CDH12: variants seen among roughly 807,000 people sequenced by gnomAD.
The protein encoded by CDH12 is cadherin 12.
A neutral mutation model predicts 74.1 loss-of-function variants in CDH12; 41 were observed. That is an observed-to-expected ratio of 0.55 (90% CI 0.43 to 0.72). CDH12 has a LOEUF of 0.72. Among genes scored for constraint, CDH12 ranks in the 30% least tolerant of loss-of-function variants. The pLI is 0.00. For synonymous variants in CDH12, 399 were observed against 355.0 expected (o/e 1.12, Z -1.39); for missense variants, 945 against 977.2 (o/e 0.97, Z 0.44).
chr5:22,828,431 C>A (rs1045674870), intron 1 of CDH12, among the ~76,000 whole-genome samples: 2 of 151,978 alleles, frequency 1.3e-5, no homozygotes, highest in African/African-American at 4.8e-5. Context: ...TGCCATTGAC[C>A]ATATTCTATT....
At position 21,889,072 on chromosome 5, in the gene CDH12, T is replaced by C. The variant is rs941796114; in HGVS notation, c.527-34282A>G. On this transcript the variant is annotated intron_variant, in intron 6 of 14. Transcript: ENST00000382254. ...TATATTTCTGATAGGAAAAATAATA[T>C]ATTTTAGGTGCTATTCATATTTTTA... Among the ~76,000 whole-genome samples, 6 of 152,162 alleles carry C rather than the reference T, an allele frequency of 3.9e-5. No homozygotes were observed. In the East Asian group the frequency reaches 7.7e-4, roughly 20 times the overall value.
intron 11 of CDH12, among the ~76,000 whole-genome samples, chr5:21,775,129 C>A (rs1745517713): frequency 6.6e-6 from 1 of 152,158 alleles, no homozygotes; most frequent in Non-Finnish European, 1.5e-5. Flanking sequence ...AAGGCCAAAC[C>A]AAGGATGCCT....
At chr5:22,828,530 A>C (rs1008455460) in intron 1 of CDH12, among the ~76,000 whole-genome samples, 1 of 152,210 alleles carries the variant, frequency 6.6e-6, no homozygotes, top group Non-Finnish European at 1.5e-5. Flanking sequence ...AACCTGAAAT[A>C]AATTGAAAAG....
intron 3 of CDH12, among the ~76,000 whole-genome samples, chr5:22,242,891 C>A (rs977785919): frequency 6.6e-6 from 1 of 152,068 alleles, no homozygotes; most frequent in Non-Finnish European, 1.5e-5. Context: ...CTTCTTTTCT[C>A]TCCAGTTTTG....
At chr5:22,585,517 C>CG (rs1740351122) in intron 1 of CDH12, among the ~76,000 whole-genome samples, 1 of 152,076 alleles carries the variant, frequency 6.6e-6, no homozygotes, top group Non-Finnish European at 1.5e-5. Context: ...TTATCTTCTT[C>CG]GGGAAAATCC....
intron 1 of CDH12, among the ~76,000 whole-genome samples, chr5:22,595,049 G>T (rs910030245): frequency 9.2e-5 from 14 of 152,032 alleles, no homozygotes; most frequent in African/African-American, 3.4e-4. Flanking sequence ...TTTAACTGAT[G>T]CTCAAACTCT....
intron 1 of CDH12, among the ~76,000 whole-genome samples, chr5:22,579,580 ATGATTGGAAGTTTAAAC>A (rs999328725): frequency 1.3e-4 from 20 of 152,182 alleles, no homozygotes; most frequent in African/African-American, 4.8e-4. Flanking sequence ...CTTGGATGAC[ATGATTGGAAGTTTAAAC>A]TGAACATACC....
At chr5:22,403,994 G>A (rs1742836711) in intron 3 of CDH12, among the ~76,000 whole-genome samples, 1 of 151,932 alleles carries the variant, frequency 6.6e-6, no homozygotes, top group African/African-American at 2.4e-5. Flanking sequence ...ATACCTTCTT[G>A]ATGTGTTAAG....
At chr5:21,913,359 C>T (rs1753947537) in intron 6 of CDH12, among the ~76,000 whole-genome samples, 1 of 152,004 alleles carries the variant, frequency 6.6e-6, no homozygotes, top group African/African-American at 2.4e-5. Flanking sequence ...AATACTTTTA[C>T]ATTTACATTT....
intron 1 of CDH12, among the ~76,000 whole-genome samples, chr5:22,609,507 A>G (rs1349180337): frequency 6.6e-6 from 1 of 152,196 alleles, no homozygotes; most frequent in Non-Finnish European, 1.5e-5. Context: ...CTCAGTGCTC[A>G]GAATATAAAT....
intron 1 of CDH12, among the ~76,000 whole-genome samples, chr5:22,732,529 A>G (rs2127005589): frequency 6.6e-6 from 1 of 151,668 alleles, no homozygotes; most frequent in Non-Finnish European, 1.5e-5. Context: ...CTACTATCCC[A>G]GAGTATGCCA....
chr5:22,559,957 G>A (rs1004145833), intron 1 of CDH12, among the ~76,000 whole-genome samples: 10 of 152,106 alleles, frequency 6.6e-5, no homozygotes, highest in African/African-American at 2.4e-4. Context: ...ATGCCCTTTA[G>A]TCCTTTACCT....
intron 9 of CDH12, among the ~76,000 whole-genome samples, chr5:21,812,044 G>A (rs531037462): frequency 2.0e-5 from 3 of 151,982 alleles, no homozygotes; most frequent in Admixed American, 1.3e-4. Flanking sequence ...ATAGACAGAG[G>A]AGAAAATAGT....
chr5:22,086,846 A>T (rs1743100103), intron 4 of CDH12, among the ~76,000 whole-genome samples: 1 of 152,158 alleles, frequency 6.6e-6, no homozygotes, highest in South Asian at 2.1e-4. Flanking sequence ...AATCGATCAC[A>T]TCTTTATTTT....
chr5:21,961,504 C>A (rs1409695803), intron 6 of CDH12, among the ~76,000 whole-genome samples: 2 of 152,048 alleles, frequency 1.3e-5, no homozygotes, highest in Non-Finnish European at 2.9e-5. Flanking sequence ...CCAAAAAAAA[C>A]ATATGTTGAA....
chr5:22,642,901 T>C (rs576841316), intron 1 of CDH12, among the ~76,000 whole-genome samples: 19 of 152,274 alleles, frequency 1.2e-4, no homozygotes, highest in African/African-American at 4.6e-4. Flanking sequence ...TATTCTGGTT[T>C]TTGTCTCTAG....
chr5:21,822,052 G>C (rs1376966421), intron 8 of CDH12, among the ~76,000 whole-genome samples: 1 of 151,672 alleles, frequency 6.6e-6, no homozygotes, highest in Non-Finnish European at 1.5e-5. Flanking sequence ...TGTGACCCTG[G>C]GCAAAATATT....
At chr5:22,713,162 G>C (rs1418154741) in intron 1 of CDH12, among the ~76,000 whole-genome samples, 2 of 109,424 alleles carry the variant, frequency 1.8e-5, no homozygotes, top group Non-Finnish European at 3.5e-5. Context: ...TTTTTTTTGA[G>C]GTGGAGTCTT....
At position 22,110,826 on chromosome 5, in the gene CDH12, G is replaced by A. The variant is rs4419562; in HGVS notation, c.-186-31964C>T. ...GGTGGTCTCTCATTAATGTTACAAAGGCGGTTCAGTTTTGGGGAAAGGCTA... is the reference window on the plus strand; with the variant it reads ...GGTGGTCTCTCATTAATGTTACAAAAGCGGTTCAGTTTTGGGGAAAGGCTA... On this transcript the variant is annotated intron_variant, in intron 4 of 14. Coordinates refer to ENST00000382254, the MANE Select transcript of CDH12 (RefSeq NM_004061.5). 5.2e-3 allele frequency among the ~76,000 whole-genome samples: 798 copies of A among 152,108 alleles called. 7 individuals are homozygous for A. Among genetic ancestry groups the A allele is most frequent in the African/African-American group, 0.018 (752 of 41,496 alleles).
Sources: allele counts gnomAD v4.1 joint callset (sites outside exome capture counted in the v4.1 genomes callset), GRCh38; gene constraint gnomAD v4.1.1; transcripts MANE v1.5; gene names NCBI Gene and HGNC (gene_info 2026-07-23, HGNC 2026-07-21).